KYNU: variants seen among roughly 807,000 people sequenced by gnomAD.
KYNU encodes the protein kynureninase.
Under a neutral mutation model 59.2 loss-of-function variants are expected in KYNU, and 54 were observed. The observed-to-expected ratio is 0.91, with a 90% confidence interval of 0.73 to 1.14. The LOEUF is 1.14. Ranked by LOEUF, KYNU falls within the 50% of genes most tolerant of loss-of-function variation. The pLI, the probability that KYNU is intolerant of heterozygous loss-of-function variation, is 0.00. For missense variants in KYNU, 567 were observed against 554.4 expected (o/e 1.02, Z -0.23); for synonymous variants, 177 against 192.0 (o/e 0.92, Z 0.65).
At chr2:142,948,865 G>T (rs569452156) in intron 4 of KYNU, among the ~76,000 whole-genome samples, 11 of 152,170 alleles carry the variant, frequency 7.2e-5, no homozygotes, top group Non-Finnish European at 1.5e-4. Context: ...TAACTCAAAA[G>T]TCCACAGTCC....
chr2:142,916,897 T>G (rs1682683934), intron 2 of KYNU, among the ~76,000 whole-genome samples: 2 of 152,114 alleles, frequency 1.3e-5, no homozygotes, highest in South Asian at 4.1e-4. Flanking sequence ...AAAGGAAAGT[T>G]CTAGTAAGCT....
At chr2:142,951,092 A>G (rs1417445464) in intron 4 of KYNU, among the ~76,000 whole-genome samples, 5 of 152,240 alleles carry the variant, frequency 3.3e-5, no homozygotes, top group African/African-American at 1.2e-4. Context: ...CAGTATTAAC[A>G]TCAAAGATCA....
chr2:142,916,219 G>A (rs558970653), intron 2 of KYNU, among the ~76,000 whole-genome samples: 2 of 152,248 alleles, frequency 1.3e-5, no homozygotes, highest in South Asian at 4.1e-4. Flanking sequence ...GCTCAAGGAG[G>A]ATTTACTGAA....
At position 142,932,330 on chromosome 2, in the gene KYNU, G is replaced by T. The variant is rs142127976; in HGVS notation, c.373+4589G>T. Among the ~76,000 whole-genome samples, 1,162 of 152,282 alleles carry T rather than the reference G, an allele frequency of 7.6e-3. 7 individuals are homozygous for T. The highest frequency in any genetic ancestry group is 0.027 in the African/African-American group (1,114 of 41,548). ...GCTTTTGAAGGTTTTGGGCTCAGAAGTCCTGCTTTTCTTCTGAGGAGTAAA... is the reference window on the plus strand; with the variant it reads ...GCTTTTGAAGGTTTTGGGCTCAGAATTCCTGCTTTTCTTCTGAGGAGTAAA... On this transcript the variant is annotated intron_variant, in intron 4 of 13. Transcript: ENST00000264170.
chr2:143,027,227 A>G (rs1686601785), intron 10 of KYNU, among the ~76,000 whole-genome samples: 1 of 152,194 alleles, frequency 6.6e-6, no homozygotes, highest in Admixed American at 6.5e-5. Context: ...TGGAAGGAGT[A>G]AAATTTCTGG....
intron 10 of KYNU, among the ~76,000 whole-genome samples, chr2:143,025,474 G>A (rs1686524453): frequency 6.6e-6 from 1 of 152,052 alleles, no homozygotes; most frequent in Admixed American, 6.6e-5. Flanking sequence ...GGGTCCTGTT[G>A]ATTCTTTCTA....
chr2:143,015,460 T>C (rs1278797413), intron 10 of KYNU, among the ~76,000 whole-genome samples: 1 of 152,106 alleles, frequency 6.6e-6, no homozygotes, highest in African/African-American at 2.4e-5. Context: ...ATTCACAGTG[T>C]CAATGCATAC....
intron 1 of KYNU, among the ~76,000 whole-genome samples, chr2:142,883,263 G>T (rs1347935461): frequency 7.4e-6 from 1 of 134,740 alleles, no homozygotes; most frequent in African/African-American, 2.8e-5. Context: ...GTGCAACCTC[G>T]GCTCACTGCA....
intron 4 of KYNU, among the ~76,000 whole-genome samples, chr2:142,937,623 G>A (rs527786338): frequency 6.6e-6 from 1 of 152,324 alleles, no homozygotes; most frequent in Admixed American, 6.5e-5. Context: ...AAGATTTGTG[G>A]ACAGAGAAAG....
intron 12 of KYNU, among the ~76,000 whole-genome samples, chr2:143,039,265 T>G: frequency 6.6e-6 from 1 of 152,164 alleles, no homozygotes; most frequent in Middle Eastern, 3.2e-3. Flanking sequence ...GTTTTCTTAT[T>G]GTTAAACTGG....
chr2:142,981,423 A>G (rs1314491361), intron 8 of KYNU, among the ~76,000 whole-genome samples: 2 of 152,046 alleles, frequency 1.3e-5, no homozygotes, highest in African/African-American at 2.4e-5. Context: ...TTTTCCCCAT[A>G]TGGAATTTCA....
At chr2:142,954,523 A>G (rs1465017137) in intron 4 of KYNU, among the ~76,000 whole-genome samples, 1 of 152,102 alleles carries the variant, frequency 6.6e-6, no homozygotes, top group Non-Finnish European at 1.5e-5. Flanking sequence ...TGATAATAGG[A>G]TATATCATTT....
At chr2:142,955,255 A>G (rs13032888) in intron 5 of KYNU, among the ~76,000 whole-genome samples, 3,591 of 152,168 alleles carry the variant, frequency 0.024, 89 homozygotes, top group African/African-American at 0.063. Context: ...ATACTTTTGT[A>G]TATTAATATA....
At chr2:143,018,031 T>C (rs1686310370) in intron 10 of KYNU, among the ~76,000 whole-genome samples, 1 of 152,224 alleles carries the variant, frequency 6.6e-6, no homozygotes, top group Non-Finnish European at 1.5e-5. Context: ...CTATAGATTC[T>C]GGATATTAGA....
chr2:142,969,518 A>G (rs767116033), intron 8 of KYNU, among the ~76,000 whole-genome samples: 3 of 152,208 alleles, frequency 2.0e-5, no homozygotes, highest in Non-Finnish European at 4.4e-5. Flanking sequence ...GTTGGTGAGG[A>G]TCAGTGCCCA....
intron 12 of KYNU, among the ~76,000 whole-genome samples, chr2:143,034,021 T>C (rs1003744440): frequency 6.6e-6 from 1 of 151,892 alleles, no homozygotes; most frequent in African/African-American, 2.4e-5. Context: ...CACCCTGAAA[T>C]GATAAATATA....
At chr2:142,892,256 G>T (rs1288117815) in intron 2 of KYNU, among the ~76,000 whole-genome samples, 1 of 152,188 alleles carries the variant, frequency 6.6e-6, no homozygotes, top group East Asian at 1.9e-4. Flanking sequence ...GCATTTAGTG[G>T]ACATATTTGT....
chr2:142,985,033 T>A, intron 8 of KYNU, 51 bp from the exon 9 acceptor site: 2 of 1,036,294 alleles, frequency 1.9e-6, no homozygotes, highest in Non-Finnish European at 3.1e-6. Context: ...TTGTACTTAT[T>A]ATTTCTAATC....
intron 10 of KYNU, among the ~76,000 whole-genome samples, chr2:142,987,168 A>T (rs1178855793): frequency 6.6e-6 from 1 of 151,956 alleles, no homozygotes. Flanking sequence ...CATGTTTTCC[A>T]CATAGACAGT....
Sources: gnomAD v4.1 joint callset for allele counts (sites outside exome capture counted in the v4.1 genomes callset) on GRCh38, gnomAD v4.1.1 for gene constraint, MANE v1.5 for transcripts, NCBI Gene and HGNC (gene_info 2026-07-23, HGNC 2026-07-21) for gene names.